SUGCT: variants seen among roughly 807,000 people sequenced by gnomAD.
The protein encoded by SUGCT is succinyl-CoA:glutarate-CoA transferase.
A neutral mutation model predicts 55.0 loss-of-function variants in SUGCT; 41 were observed. The ratio of observed to expected loss-of-function variants is 0.74; its 90% CI spans 0.58 to 0.97. SUGCT has a LOEUF of 0.97. Among genes scored for constraint, SUGCT ranks in the 50% least tolerant of loss-of-function variants. SUGCT has a pLI of 0.00. For synonymous variants in SUGCT, 187 were observed against 200.4 expected, an observed-to-expected ratio of 0.93 and a Z score of 0.56; for missense variants, 568 against 547.8, an observed-to-expected ratio of 1.04 and a Z score of -0.37.
At chr7:40,255,490 C>T (rs1485379358) in intron 7 of SUGCT, among the ~76,000 whole-genome samples, 1 of 151,324 alleles carries the variant, frequency 6.6e-6, no homozygotes, top group East Asian at 2.0e-4. Flanking sequence ...GAGGAAACCT[C>T]GGCTCTGCTA....
chr7:40,739,176 T>C (rs1016984995), intron 12 of SUGCT, among the ~76,000 whole-genome samples: 8 of 152,306 alleles, frequency 5.3e-5, no homozygotes, highest in Middle Eastern at 3.4e-3. Flanking sequence ...ATAGTCAAGA[T>C]AGAGAAGAGT....
intron 12 of SUGCT, among the ~76,000 whole-genome samples, chr7:40,691,433 G>T (rs1260130557): frequency 6.6e-6 from 1 of 151,992 alleles, no homozygotes; most frequent in Non-Finnish European, 1.5e-5. Flanking sequence ...GGTTTAGAAA[G>T]AATTGAAATC....
chr7:40,999,166 G>A, the SUGCT span, among the ~76,000 whole-genome samples: 4 of 151,612 alleles, frequency 2.6e-5, no homozygotes, highest in South Asian at 4.2e-4. Flanking sequence ...GTGAGAGGAC[G>A]TCTGTAGATT....
intron 6 of SUGCT, among the ~76,000 whole-genome samples, chr7:40,204,904 G>C (rs558564407): frequency 1.3e-5 from 2 of 152,062 alleles, no homozygotes; most frequent in South Asian, 4.2e-4. Context: ...AGTGAGCTCT[G>C]ATTGCACCAC....
chr7:40,958,422 C>T, the SUGCT span, among the ~76,000 whole-genome samples: 1 of 151,666 alleles, frequency 6.6e-6, no homozygotes, highest in Non-Finnish European at 1.5e-5. Flanking sequence ...GATTTTCAAC[C>T]TCGATATCCT....
chr7:40,608,314 A>G (rs1024057853), intron 12 of SUGCT, among the ~76,000 whole-genome samples: 9 of 152,192 alleles, frequency 5.9e-5, no homozygotes, highest in African/African-American at 2.2e-4. Context: ...GCAATACTTA[A>G]ACATTTAACT....
chr7:40,866,625 A>T, the SUGCT span, among the ~76,000 whole-genome samples: 2 of 151,812 alleles, frequency 1.3e-5, no homozygotes, highest in Non-Finnish European at 2.9e-5. Context: ...TGAAGCCCCC[A>T]TTCTCAGAAA....
intron 3 of SUGCT, among the ~76,000 whole-genome samples, 197 bp downstream of exon 3, chr7:40,182,225 T>C (rs1373666015): frequency 6.6e-6 from 1 of 152,236 alleles, no homozygotes; most frequent in Non-Finnish European, 1.5e-5. Flanking sequence ...TTATGTGTGC[T>C]AAGTGCTAAG....
rs188116341 is a variant in SUGCT at position 40,269,568 on chromosome 7, C to T, written c.577-4945C>T. Among the ~76,000 whole-genome samples the T allele has an allele frequency of 7.2e-5, 11 of 152,196 alleles. No individual in the cohort carries two copies. In the East Asian group the frequency reaches 7.7e-4, roughly 11 times the overall value. On this transcript the variant is annotated intron_variant, in intron 7 of 13. Transcript: ENST00000335693. ...AAACTCCTGAGCTCAAGGAGTCCTCCGGCTTCAGCCTCCCAAAGTGCTGGG... is the reference window on the plus strand; with the variant it reads ...AAACTCCTGAGCTCAAGGAGTCCTCTGGCTTCAGCCTCCCAAAGTGCTGGG...
intron 13 of SUGCT, among the ~76,000 whole-genome samples, chr7:40,840,853 A>G (rs980909799): frequency 1.1e-4 from 7 of 61,770 alleles, no homozygotes; most frequent in African/African-American, 1.6e-4. Flanking sequence ...ACAAATATCA[A>G]ATAACTCCTG....
intron 12 of SUGCT, among the ~76,000 whole-genome samples, chr7:40,613,643 T>G (rs1798863338): frequency 6.6e-6 from 1 of 151,850 alleles, no homozygotes. Context: ...TGGAGTCTCG[T>G]TCTGTCACCC....
chr7:40,789,662 A>G (rs561595911), intron 13 of SUGCT, among the ~76,000 whole-genome samples: 1 of 152,164 alleles, frequency 6.6e-6, no homozygotes, highest in Non-Finnish European at 1.5e-5. Flanking sequence ...TGGATTTTGA[A>G]TTGGGCTCTT....
At chr7:40,932,423 G>C in the SUGCT span, among the ~76,000 whole-genome samples, 1 of 152,322 alleles carries the variant, frequency 6.6e-6, no homozygotes, top group South Asian at 2.1e-4. Flanking sequence ...GGAGAGTTCT[G>C]TAGTTGTCTA....
intron 12 of SUGCT, among the ~76,000 whole-genome samples, chr7:40,548,489 C>G (rs1795131037): frequency 6.6e-6 from 1 of 152,134 alleles, no homozygotes; most frequent in Non-Finnish European, 1.5e-5. Flanking sequence ...TGAACTATGG[C>G]ACCCAACTTT....
intron 12 of SUGCT, among the ~76,000 whole-genome samples, chr7:40,590,408 A>C (rs920478444): frequency 5.3e-5 from 8 of 152,236 alleles, no homozygotes; most frequent in Non-Finnish European, 1.0e-4. Flanking sequence ...GTATGGGCCA[A>C]AACATAGGCC....
intron 12 of SUGCT, among the ~76,000 whole-genome samples, chr7:40,615,994 C>A (rs1562902207): frequency 6.6e-6 from 1 of 152,200 alleles, no homozygotes. Context: ...TTGGAAACAT[C>A]ACCTGTTTCT....
chr7:40,465,564 C>T (rs1223071888), intron 11 of SUGCT, among the ~76,000 whole-genome samples: 2 of 151,956 alleles, frequency 1.3e-5, no homozygotes, highest in African/African-American at 4.8e-5. Flanking sequence ...GAGCCGAGAT[C>T]ATGCCACCAC....
At chr7:40,359,793 G>C (rs191738501) in intron 9 of SUGCT, among the ~76,000 whole-genome samples, 1 of 152,116 alleles carries the variant, frequency 6.6e-6, no homozygotes, top group African/African-American at 2.4e-5. Flanking sequence ...CAACTGCTTA[G>C]CACAGTGTTG....
rs931877779 is a variant in SUGCT, at chr7:40,459,124, T to G, written c.912T>G (p.Ile304Met). 2 of 1,611,244 alleles carry G rather than the reference T, an allele frequency of 1.2e-6. No homozygotes were observed. The highest frequency in any genetic ancestry group is 1.7e-6 in the Non-Finnish European group (2 of 1,178,254). ...AGATCTTGGATTTGCCTGAGTTGAT[T>G]GATAATTCCAAGTATAAAACTAACC... ...VCKILDLPEL[I>M]DNSKYKTNHL... Residue 304 changes from isoleucine (I) to methionine (M), a missense_variant, in exon 11 of 14, where the codon ATT becomes ATG. Ile to Met is a conservative substitution (Grantham distance 10, BLOSUM62 1). Coordinates refer to ENST00000335693, the MANE Select transcript of SUGCT (RefSeq NM_001193313.2).
Sources: allele counts gnomAD v4.1 joint callset (sites outside exome capture counted in the v4.1 genomes callset), GRCh38; gene constraint gnomAD v4.1.1; transcripts MANE v1.5; gene names NCBI Gene and HGNC (gene_info 2026-07-23, HGNC 2026-07-21).